The following EDC3 variants were observed in gnomAD, a reference collection of about 807,000 sequenced individuals.
The protein encoded by EDC3 is enhancer of mRNA-decapping protein 3.
Under a neutral mutation model 41.8 loss-of-function variants are expected in EDC3, and 20 were observed. The ratio of observed to expected loss-of-function variants is 0.48; its 90% confidence interval spans 0.34 to 0.70. The LOEUF (loss-of-function observed/expected upper bound fraction) is 0.70, where lower values mean the gene tolerates loss of function less well. Among genes scored for constraint, EDC3 ranks in the 30% least tolerant of loss-of-function variants. EDC3 has a pLI of 0.01. For missense variants in EDC3, 444 were observed against 636.8 expected (o/e 0.70, Z 3.26); for synonymous variants, 206 against 243.2 (o/e 0.85, Z 1.42).
At chr15:74,668,453 C>T (rs936392103) in intron 3 of EDC3, among the ~76,000 whole-genome samples, 3 of 152,124 alleles carry the variant, frequency 2.0e-5, no homozygotes, top group Non-Finnish European at 4.4e-5. Context: ...TTCAAGTGCA[C>T]GGAAGATTAT....
Position 74,648,192 on chromosome 15 carries a change from A to G in EDC3, c.820+7541T>C, listed in dbSNP as rs115644602. Among the ~76,000 whole-genome samples, 163 of 152,350 alleles carry G rather than the reference A, an allele frequency of 1.1e-3. 1 individual carries two copies. The highest frequency in any genetic ancestry group is 3.4e-3 in the African/African-American group (140 of 41,584). ...GTGGCACTTCTAAACTCCAAGATTT[A>G]TTTCTTCCTGAATTCCTTTTGAACA... On this transcript the variant is annotated intron_variant, in intron 4 of 6. Coordinates refer to ENST00000315127, the MANE Select transcript of EDC3 (RefSeq NM_025083.5).
In EDC3 at chr15:74,674,951, G is replaced by A; in HGVS notation, c.164+10C>T. The A allele has an allele frequency of 1.2e-6, 2 of 1,613,806 alleles. No homozygotes were observed. The highest frequency in any genetic ancestry group is 8.5e-7 in the Non-Finnish European group (1 of 1,179,972). On this transcript the variant is annotated intron_variant, in intron 2 of 6. Transcript: ENST00000315127. Reference sequence around the variant, plus strand: ...AGGTTGGATTCAGAAGAGTCAGTCAGGACACTCACCTGAAGGTGACTTCTG... The same window carrying A: ...AGGTTGGATTCAGAAGAGTCAGTCAAGACACTCACCTGAAGGTGACTTCTG...
chr15:74,639,569 C>T (rs1342875703), intron 5 of EDC3: 1 of 152,164 alleles, frequency 6.6e-6, no homozygotes, highest in African/African-American at 2.4e-5. Flanking sequence ...AAAAAATTAG[C>T]TGTGCATGGT....
chr15:74,677,025 G>C lies in EDC3; in HGVS notation c.-18-1883C>G, dbSNP rs570764530. 5.3e-5 allele frequency: 8 copies of C among 152,190 alleles called. No homozygotes were observed. In the South Asian group the frequency reaches 8.3e-4, roughly 16 times the overall value. The allele number at this position is 152,190 out of a possible 1,614,324, so 9.4% of individuals were successfully genotyped here. Reference sequence around the variant, plus strand: ...GCAACAAAAACCGTCATTCATTGCTGACAGGAATGCAAAATGATGCAGCCA... The same window carrying C: ...GCAACAAAAACCGTCATTCATTGCTCACAGGAATGCAAAATGATGCAGCCA... On this transcript the variant is annotated intron_variant, in intron 1 of 6. Transcript: ENST00000315127.
At chr15:74,682,894 T>C (rs954077799) in intron 1 of EDC3, among the ~76,000 whole-genome samples, 16 of 149,626 alleles carry the variant, frequency 1.1e-4, no homozygotes, top group African/African-American at 3.7e-4. Context: ...CGGTGGCGCA[T>C]GCCTGTAATC....
intron 4 of EDC3, among the ~76,000 whole-genome samples, chr15:74,653,565 G>C (rs1214814394): frequency 6.6e-6 from 1 of 152,176 alleles, no homozygotes; most frequent in Non-Finnish European, 1.5e-5. Flanking sequence ...AGAACAAAGA[G>C]AAAAACCAGA....
chr15:74,655,293 ACT>A (rs1349201748), intron 4 of EDC3, among the ~76,000 whole-genome samples: 2 of 152,154 alleles, frequency 1.3e-5, no homozygotes, highest in African/African-American at 2.4e-5. Context: ...ATTTATTAAA[ACT>A]CTATTTTTAG....
At chr15:74,645,163 AG>A (rs753875722) in intron 4 of EDC3, 4 of 152,240 alleles carry the variant, frequency 2.6e-5, no homozygotes, top group African/African-American at 4.8e-5. Flanking sequence ...AGGAAACAGA[AG>A]AGATATGACA....
intron 3 of EDC3, among the ~76,000 whole-genome samples, chr15:74,656,720 T>C (rs537464907): frequency 6.6e-6 from 1 of 152,288 alleles, no homozygotes; most frequent in Admixed American, 6.5e-5. Context: ...AGTGAGAACT[T>C]ATATCCCTGT....
Position 74,632,393 on chromosome 15 carries a change from TGCA to T in EDC3, c.*216_*218del. On this transcript the variant is annotated 3_prime_UTR_variant, in exon 7 of 7. Transcript: ENST00000315127. The surrounding 1 kb of genome is among the most constrained non-coding windows in gnomAD (Gnocchi z 4.0). Reference sequence around the variant, plus strand: ...TGAGGGTAGAGATGCCTGGAGTTGCTGCACGCTCAGCCTGCCACCCAGCCCGGA... The same window carrying T: ...TGAGGGTAGAGATGCCTGGAGTTGCTCGCTCAGCCTGCCACCCAGCCCGGA... 1.7e-6 allele frequency: 1 copy of T among 602,348 alleles called. No individual in the cohort carries two copies. Among genetic ancestry groups the T allele is most frequent in the Admixed American group, 3.0e-5 (1 of 33,304 alleles). The allele number at this position is 602,348 out of a possible 1,614,324, so 37.3% of individuals were successfully genotyped here.
chr15:74,662,721 C>T (rs1286963196), intron 3 of EDC3, among the ~76,000 whole-genome samples: 2 of 152,086 alleles, frequency 1.3e-5, no homozygotes, highest in Admixed American at 1.3e-4. Context: ...AGCAGTTGAT[C>T]AGTGAAGGAG....
In EDC3 at chr15:74,632,311, C is replaced by CA. The variant is rs1596295973; in HGVS notation, c.*300dup. ...GCCCAGTGGCTGTAAACCTGAAACA[C>CA]AGTCTTGAGAGCTGCCTACGGCTGT... is the stretch of plus-strand genomic sequence containing the variant. On this transcript the variant is annotated 3_prime_UTR_variant, in exon 7 of 7. Coordinates refer to ENST00000315127, the MANE Select transcript of EDC3 (RefSeq NM_025083.5). The surrounding 1 kb of genome is among the most constrained non-coding windows in gnomAD (Gnocchi z 4.0). 1 of 397,784 alleles carries CA rather than the reference C, an allele frequency of 2.5e-6. No homozygotes were observed. Among genetic ancestry groups the CA allele is most frequent in the Non-Finnish European group, 4.6e-6 (1 of 216,908 alleles). The allele number at this position is 397,784 out of a possible 1,614,324, so 24.6% of individuals were successfully genotyped here. A position where few individuals can be genotyped will look rare whatever the true frequency, so the allele number is the denominator to read the frequency against.
chr15:74,667,054 T>C (rs1054736715), intron 3 of EDC3, among the ~76,000 whole-genome samples: 1 of 152,150 alleles, frequency 6.6e-6, no homozygotes, highest in African/African-American at 2.4e-5. Context: ...GGAATGGCGA[T>C]ACAAGTTAAT....
intron 6 of EDC3, chr15:74,635,024 T>G (rs1190442950): frequency 2.2e-6 from 1 of 464,748 alleles, no homozygotes; most frequent in African/African-American, 2.0e-5. Context: ...CTCCTTTCCC[T>G]GCTTTGTTTT....
At chr15:74,659,373 T>C (rs553086967) in intron 3 of EDC3, among the ~76,000 whole-genome samples, 3 of 151,584 alleles carry the variant, frequency 2.0e-5, no homozygotes, top group East Asian at 3.9e-4. Flanking sequence ...GGGGAAAGAA[T>C]TGCTTGAACC....
chr15:74,695,053 C>T (rs1439631285), intron 1 of EDC3, among the ~76,000 whole-genome samples: 1 of 151,534 alleles, frequency 6.6e-6, no homozygotes, highest in Non-Finnish European at 1.5e-5. Flanking sequence ...GGGGTGAAGA[C>T]CTGTATTTGA....
chr15:74,666,727 G>C (rs1226681217), intron 3 of EDC3, among the ~76,000 whole-genome samples: 1 of 152,132 alleles, frequency 6.6e-6, no homozygotes, highest in Non-Finnish European at 1.5e-5. Context: ...ACAAGAGATT[G>C]TTTAGGACAA....
intron 1 of EDC3, among the ~76,000 whole-genome samples, chr15:74,689,144 A>G (rs1222301410): frequency 1.3e-5 from 2 of 152,194 alleles, no homozygotes; most frequent in African/African-American, 2.4e-5. Context: ...TACTGGGCAT[A>G]TAACACAGGA....
At chr15:74,668,742 G>A (rs1264826069) in intron 3 of EDC3, among the ~76,000 whole-genome samples, 1 of 151,354 alleles carries the variant, frequency 6.6e-6, no homozygotes, top group African/African-American at 2.4e-5. Context: ...AAGAAAGAAA[G>A]AAAGAAAGAA....
Sources: gnomAD v4.1 joint callset for allele counts (sites outside exome capture counted in the v4.1 genomes callset) on GRCh38, gnomAD v4.1.1 for gene constraint, Gnocchi (gnomAD v3.1) non-coding constraint, MANE v1.5 for transcripts, NCBI Gene and HGNC (gene_info 2026-07-23, HGNC 2026-07-21) for gene names.